KIRREL3: variants seen among roughly 807,000 people sequenced by gnomAD.
KIRREL3 encodes kin of IRRE-like protein 3.
KIRREL3 carries 36 observed loss-of-function variants against 89.7 expected under a neutral mutation model. That is an observed-to-expected ratio of 0.40 (90% confidence interval 0.31 to 0.53). KIRREL3 has a LOEUF of 0.53. KIRREL3 is among the 20% of genes least tolerant of loss of function. The probability of loss-of-function intolerance (pLI) is 0.49; values close to 1 mark genes in which losing one functional copy is unlikely to be tolerated. For missense variants in KIRREL3, 864 were observed against 1,056.6 expected (o/e 0.82, Z 2.53); for synonymous variants, 445 against 441.4 (o/e 1.01, Z -0.10).
chr11:126,524,894 G>C (rs1591677151), intron 3 of KIRREL3, among the ~76,000 whole-genome samples: 2 of 152,310 alleles, frequency 1.3e-5, no homozygotes, highest in South Asian at 2.1e-4. Context: ...TATCTATCAT[G>C]ATTGCCATGA....
In KIRREL3 at chr11:126,872,528, G is replaced by T. The variant is rs1945140710; in HGVS notation, c.55+127927C>A. ...TGGATTATTTCCTGGGTGAAGCCAA[G>T]AACCCTCCCGGACTAAGCCCCAATT... On this transcript the variant is annotated intron_variant, in intron 1 of 16. Coordinates refer to ENST00000525144, the MANE Select transcript of KIRREL3 (RefSeq NM_032531.4). This position sits in a 1 kb window ranked among gnomAD's most constrained non-coding sequence, Gnocchi z 4.2. Among the ~76,000 whole-genome samples, 1 of 152,154 alleles carries T rather than the reference G, an allele frequency of 6.6e-6. No homozygotes were observed. Among genetic ancestry groups the T allele is most frequent in the South Asian group, 2.1e-4 (1 of 4,822 alleles).
chr11:126,737,120 G>T (rs1180464063), intron 1 of KIRREL3, among the ~76,000 whole-genome samples: 1 of 152,178 alleles, frequency 6.6e-6, no homozygotes, highest in African/African-American at 2.4e-5. Context: ...TGCTGAGTGG[G>T]GATGTGCTTG....
chr11:126,572,218 G>A (rs923154600), intron 1 of KIRREL3, among the ~76,000 whole-genome samples: 11 of 152,214 alleles, frequency 7.2e-5, no homozygotes, highest in African/African-American at 2.7e-4. Flanking sequence ...GGCAGGCAAA[G>A]TCCCAGCCTG....
At chr11:126,452,738 G>A (rs1196056909) in intron 7 of KIRREL3, among the ~76,000 whole-genome samples, 3 of 152,206 alleles carry the variant, frequency 2.0e-5, no homozygotes, top group Admixed American at 6.5e-5. Context: ...GGGAGCCAGA[G>A]ACGGAAGAGG....
At position 126,610,603 on chromosome 11, in the gene KIRREL3, C is replaced by T. The variant is rs1019264381; in HGVS notation, c.56-47691G>A. ...AAATGCCAGGCACTGGGGCTATAAT[C>T]ACATGGGGAGAAGGAGCCAACCGTG... On this transcript the variant is annotated intron_variant, in intron 1 of 16. Transcript: ENST00000525144. The surrounding 1 kb of genome is among the most constrained non-coding windows in gnomAD (Gnocchi z 4.6). The T allele has an allele frequency of 6.6e-6, 1 of 152,242 alleles. No individual in the cohort carries two copies. The highest frequency in any genetic ancestry group is 2.4e-5 in the African/African-American group (1 of 41,460). The allele number at this position is 152,242 out of a possible 1,614,324, so 9.4% of individuals were successfully genotyped here.
rs1055912272 is a variant in KIRREL3, at chr11:126,561,744, A to C, written c.133+1091T>G. On this transcript the variant is annotated intron_variant, in intron 2 of 16. Transcript: ENST00000525144. The surrounding 1 kb of genome is among the most constrained non-coding windows in gnomAD (Gnocchi z 4.5). Reference sequence around the variant, plus strand: ...GGGAGGTGATCACTTCCTGTGCTTAATTGTGCTGGCCTAACTCTTGTCAGA... The same window carrying C: ...GGGAGGTGATCACTTCCTGTGCTTACTTGTGCTGGCCTAACTCTTGTCAGA... Among the ~76,000 whole-genome samples the C allele has an allele frequency of 6.6e-6, 1 of 152,078 alleles. No homozygotes were observed. The highest frequency in any genetic ancestry group is 1.5e-5 in the Non-Finnish European group (1 of 68,012).
In KIRREL3 at chr11:126,897,035, C is replaced by T. The variant is rs1248007368; in HGVS notation, c.55+103420G>A. On this transcript the variant is annotated intron_variant, in intron 1 of 16. Coordinates refer to ENST00000525144, the MANE Select transcript of KIRREL3 (RefSeq NM_032531.4). This position sits in a 1 kb window ranked among gnomAD's most constrained non-coding sequence, Gnocchi z 4.2. ...CCAAGTACCAAAAATCCCTAGTAGGCAGCCTTCTCCTCTCTCTTCCCTGCT... is the reference window on the plus strand; with the variant it reads ...CCAAGTACCAAAAATCCCTAGTAGGTAGCCTTCTCCTCTCTCTTCCCTGCT... Among the ~76,000 whole-genome samples the T allele has an allele frequency of 6.6e-6, 1 of 152,146 alleles. No homozygotes were observed.
At chr11:126,933,896 G>A (rs1948062730) in intron 1 of KIRREL3, among the ~76,000 whole-genome samples, 2 of 151,578 alleles carry the variant, frequency 1.3e-5, no homozygotes, top group South Asian at 4.2e-4. Context: ...ATCATCTTTA[G>A]GTTAAACACA....
intron 1 of KIRREL3, among the ~76,000 whole-genome samples, chr11:126,838,521 A>G (rs1378937955): frequency 6.6e-6 from 1 of 152,190 alleles, no homozygotes; most frequent in Non-Finnish European, 1.5e-5. Context: ...TTAATAGTTA[A>G]TGGGTAAGAG....
At chr11:126,698,046 T>A (rs1380070562) in intron 1 of KIRREL3, among the ~76,000 whole-genome samples, 1 of 152,182 alleles carries the variant, frequency 6.6e-6, no homozygotes. Context: ...ATGGCACAGC[T>A]GAGGAGGAAA....
At chr11:126,901,429 T>C (rs1236254080) in intron 1 of KIRREL3, among the ~76,000 whole-genome samples, 2 of 152,174 alleles carry the variant, frequency 1.3e-5, no homozygotes, top group Admixed American at 1.3e-4. Flanking sequence ...AGTTAGTTGC[T>C]AGTCTGGAAA....
At chr11:126,438,677 C>G (rs1452967004) in intron 11 of KIRREL3, among the ~76,000 whole-genome samples, 2 of 152,308 alleles carry the variant, frequency 1.3e-5, no homozygotes, top group African/African-American at 4.8e-5. Flanking sequence ...TTAAAAACAT[C>G]AAAAAGCAAA....
Position 126,977,064 on chromosome 11 carries a change from ATTC to A in KIRREL3, c.55+23388_55+23390del, listed in dbSNP as rs1273881708. On this transcript the variant is annotated intron_variant, in intron 1 of 16. Coordinates refer to ENST00000525144, the MANE Select transcript of KIRREL3 (RefSeq NM_032531.4). The surrounding 1 kb of genome is among the most constrained non-coding windows in gnomAD (Gnocchi z 4.7). ...TTTCCCAAGGAGGACTGCCCTTTTT[ATTC>A]TTCTTCCTTCTTGAAACCTAAAAAA... Among the ~76,000 whole-genome samples, 1 of 152,126 alleles carries A rather than the reference ATTC, an allele frequency of 6.6e-6. No homozygotes were observed. The highest frequency in any genetic ancestry group is 2.1e-4 in the South Asian group (1 of 4,814).
chr11:126,842,034 G>A (rs936932321), intron 1 of KIRREL3, among the ~76,000 whole-genome samples: 1 of 152,200 alleles, frequency 6.6e-6, no homozygotes, highest in Non-Finnish European at 1.5e-5. Context: ...GGTAGGGTGA[G>A]GAGTGGATGC....
chr11:126,986,552 T>G (rs1949872219), intron 1 of KIRREL3, among the ~76,000 whole-genome samples: 2 of 152,352 alleles, frequency 1.3e-5, no homozygotes, highest in South Asian at 4.1e-4. Context: ...CATTCTTCCC[T>G]GTCAACATAG....
rs917072057 is a variant in KIRREL3 at position 126,970,111 on chromosome 11, C to G, written c.55+30344G>C. Among the ~76,000 whole-genome samples, 4 of 152,224 alleles carry G rather than the reference C, an allele frequency of 2.6e-5. No individual in the cohort carries two copies. Among genetic ancestry groups the G allele is most frequent in the Non-Finnish European group, 5.9e-5 (4 of 68,042 alleles). ...GACGGAACAGGAAAATGCAGCCTCTCTACCACTGCCCCTGCCCCCTCAGGG... is the reference window on the plus strand; with the variant it reads ...GACGGAACAGGAAAATGCAGCCTCTGTACCACTGCCCCTGCCCCCTCAGGG... On this transcript the variant is annotated intron_variant, in intron 1 of 16. Coordinates refer to ENST00000525144, the MANE Select transcript of KIRREL3 (RefSeq NM_032531.4). This position sits in a 1 kb window ranked among gnomAD's most constrained non-coding sequence, Gnocchi z 4.4.
chr11:126,670,760 A>C (rs897312374), intron 1 of KIRREL3, among the ~76,000 whole-genome samples: 1 of 152,234 alleles, frequency 6.6e-6, no homozygotes, highest in Non-Finnish European at 1.5e-5. Context: ...ACGAAGAAAA[A>C]ATTAACTGCT....
chr11:126,771,278 G>A lies in KIRREL3; in HGVS notation c.56-208366C>T, dbSNP rs114159187. Among the ~76,000 whole-genome samples, 2,668 of 151,916 alleles carry A rather than the reference G, an allele frequency of 0.018. 77 individuals are homozygous for A. The highest frequency in any genetic ancestry group is 0.061 in the African/African-American group (2,541 of 41,404). On this transcript the variant is annotated intron_variant, in intron 1 of 16. Coordinates refer to ENST00000525144, the MANE Select transcript of KIRREL3 (RefSeq NM_032531.4). The surrounding 1 kb of genome is among the most constrained non-coding windows in gnomAD (Gnocchi z 4.4). Reference sequence around the variant, plus strand: ...CTGTTTTTTTTTTTAAACAGATGAGGAAACCGAGGCTTAGAGTGGTTAAAT... The same window carrying A: ...CTGTTTTTTTTTTTAAACAGATGAGAAAACCGAGGCTTAGAGTGGTTAAAT...
rs1054695151 is a variant in KIRREL3, at chr11:126,985,332, G to A, written c.55+15123C>T. Among the ~76,000 whole-genome samples the A allele has an allele frequency of 4.6e-5, 7 of 152,110 alleles. No individual in the cohort carries two copies. The highest frequency in any genetic ancestry group is 1.7e-4 in the African/African-American group (7 of 41,418). On this transcript the variant is annotated intron_variant, in intron 1 of 16. Transcript: ENST00000525144. This position sits in a 1 kb window ranked among gnomAD's most constrained non-coding sequence, Gnocchi z 5.3. ...CCCAAGTCCAACAAAGCCACTGCAC[G>A]GTAGATGGAGGTGAGAAGGACCCAG...
Sources: gnomAD v4.1 joint callset for allele counts (sites outside exome capture counted in the v4.1 genomes callset) on GRCh38, gnomAD v4.1.1 for gene constraint, Gnocchi (gnomAD v3.1) non-coding constraint, MANE v1.5 for transcripts, NCBI Gene and HGNC (gene_info 2026-07-23, HGNC 2026-07-21) for gene names.